C10orf53: variants seen among roughly 807,000 people sequenced by gnomAD.
C10orf53 encodes the protein chromosome 10 open reading frame 53.
Under a neutral mutation model 9.4 loss-of-function variants are expected in C10orf53, and 8 were observed. That is an observed-to-expected ratio of 0.85 (90% CI 0.50 to 1.53). C10orf53 has a LOEUF of 1.53. Among genes scored for constraint, C10orf53 ranks in the 40% most tolerant of loss-of-function variants. The pLI is 0.00. For synonymous variants in C10orf53, 48 were observed against 46.0 expected (o/e 1.04, Z -0.18); for missense variants, 117 against 117.8 (o/e 0.99, Z 0.03).
At chr10:49,701,366 C>A (rs924031266), downstream of C10orf53, among the ~76,000 whole-genome samples, 1 of 152,134 alleles carries the variant, frequency 6.6e-6, no homozygotes, top group African/African-American at 2.4e-5. Context: ...AGGTTGAGAA[C>A]CAGAGCTATA....
intron 2 of C10orf53, among the ~76,000 whole-genome samples, chr10:49,707,485 C>T (rs916339322): frequency 3.3e-5 from 5 of 152,150 alleles, no homozygotes; most frequent in African/African-American, 1.2e-4. Context: ...CAGGTTCAGG[C>T]AAAAATTCTC....
At chr10:49,701,037 A>C (rs575849947), downstream of C10orf53, among the ~76,000 whole-genome samples, 5 of 152,162 alleles carry the variant, frequency 3.3e-5, no homozygotes, top group African/African-American at 1.2e-4. Context: ...CACATAAATG[A>C]TGTGCCTTTA....
chr10:49,694,433 C>G, intron 2 of C10orf53, 105 bp from the exon 3 acceptor site: 1 of 1,459,326 alleles, frequency 6.9e-7, no homozygotes, highest in East Asian at 2.3e-5. Context: ...TTTACCAGCC[C>G]ATGGCCTTTG....
intron 2 of C10orf53, among the ~76,000 whole-genome samples, chr10:49,704,024 G>A (rs963267255): frequency 2.0e-5 from 3 of 152,130 alleles, no homozygotes; most frequent in Admixed American, 2.0e-4. Flanking sequence ...CGCCATTCCC[G>A]CCTGTCCTTA....
rs1840641087 is a variant in C10orf53, at chr10:49,696,957, C to T, written c.*2355C>T. On this transcript the variant is annotated 3_prime_UTR_variant, in exon 3 of 3. Transcript: ENST00000374111. ...CTGTAATCCCAGCACTTTGGGAATC[C>T]AAGGTGGGTGGATTTGTTTGAACAC... 3.3e-5 allele frequency among the ~76,000 whole-genome samples: 5 copies of T among 152,138 alleles called. No individual in the cohort carries two copies. The highest frequency in any genetic ancestry group is 3.3e-4 in the Admixed American group (5 of 15,276).
intron 1 of C10orf53, among the ~76,000 whole-genome samples, chr10:49,683,766 C>T (rs372246287): frequency 3.9e-5 from 6 of 152,036 alleles, no homozygotes; most frequent in East Asian, 1.9e-4. Context: ...TGTGATGGCA[C>T]GCACCTGTAG....
chr10:49,683,598 G>C (rs1840499638), intron 1 of C10orf53, among the ~76,000 whole-genome samples: 1 of 151,928 alleles, frequency 6.6e-6, no homozygotes, highest in Admixed American at 6.6e-5. Context: ...TTGTCTGCTG[G>C]GCATGGTGGC....
downstream of C10orf53, among the ~76,000 whole-genome samples, chr10:49,699,123 G>T (rs1840660230): frequency 6.7e-6 from 1 of 148,414 alleles, no homozygotes; most frequent in South Asian, 2.2e-4. Flanking sequence ...TTTTAAAATA[G>T]CCCAATAATA....
chr10:49,703,566 C>T (rs1024074938), intron 2 of C10orf53, among the ~76,000 whole-genome samples: 3 of 152,194 alleles, frequency 2.0e-5, no homozygotes, highest in Non-Finnish European at 4.4e-5. Context: ...CACATACTGG[C>T]ACAAGGTAGG....
chr10:49,704,282 T>G (rs779367506), intron 2 of C10orf53, among the ~76,000 whole-genome samples: 1 of 152,120 alleles, frequency 6.6e-6, no homozygotes, highest in Non-Finnish European at 1.5e-5. Flanking sequence ...ACTCATATCC[T>G]TAACCTACAG....
intron 2 of C10orf53, chr10:49,694,259 A>G (rs1182733985): frequency 1.7e-6 from 1 of 586,824 alleles, no homozygotes; most frequent in Non-Finnish European, 3.0e-6. Context: ...TATTCTATCT[A>G]GACTTGCTAA....
At chr10:49,699,900 C>T (rs927700376), downstream of C10orf53, among the ~76,000 whole-genome samples, 2 of 151,646 alleles carry the variant, frequency 1.3e-5, no homozygotes, top group African/African-American at 2.4e-5. Context: ...CTCATCCCCC[C>T]CGAGATCAGG....
At chr10:49,709,775 C>T (rs1840749282) in exon 3 of C10orf53, 1 of 152,480 alleles carries the variant, frequency 6.6e-6, no homozygotes. Context: ...AGGCCTCTGC[C>T]CTCCTGGCAT....
At chr10:49,687,928 A>G (rs1355615287) in intron 1 of C10orf53, among the ~76,000 whole-genome samples, 5 of 152,174 alleles carry the variant, frequency 3.3e-5, no homozygotes, top group African/African-American at 1.2e-4. Context: ...GAGAAATGGC[A>G]GGGTGTGGGG....
intron 2 of C10orf53, among the ~76,000 whole-genome samples, chr10:49,704,984 A>ATGCT (rs1840712902): frequency 6.6e-6 from 1 of 152,260 alleles, no homozygotes; most frequent in Non-Finnish European, 1.5e-5. Context: ...ATACAAGGAA[A>ATGCT]TGCTTGTAAT....
chr10:49,690,208 G>A (rs1357746005), intron 1 of C10orf53, among the ~76,000 whole-genome samples: 1 of 152,182 alleles, frequency 6.6e-6, no homozygotes, highest in African/African-American at 2.4e-5. Flanking sequence ...GAGACTTGAG[G>A]GTTGCAAGGT....
intron 1 of C10orf53, among the ~76,000 whole-genome samples, chr10:49,690,276 G>A (rs1005165147): frequency 6.6e-6 from 1 of 152,186 alleles, no homozygotes; most frequent in African/African-American, 2.4e-5. Flanking sequence ...GATAAGTCAT[G>A]TAATACCGGC....
At chr10:49,682,196 CT>C (rs778683362) in intron 1 of C10orf53, among the ~76,000 whole-genome samples, 9 of 152,188 alleles carry the variant, frequency 5.9e-5, no homozygotes, top group Non-Finnish European at 1.2e-4. Flanking sequence ...ACTATTCTCT[CT>C]TTTTAAAATT....
downstream of C10orf53, among the ~76,000 whole-genome samples, chr10:49,701,312 T>C (rs1258328): frequency 0.84 from 128,063 of 152,086 alleles, 55,520 homozygotes; most frequent in East Asian, 0.97. Flanking sequence ...CAGCTAACTG[T>C]CCCTCTGTCA....
Sources: allele counts gnomAD v4.1 joint callset (sites outside exome capture counted in the v4.1 genomes callset), GRCh38; gene constraint gnomAD v4.1.1; transcripts MANE v1.5; gene names NCBI Gene and HGNC (gene_info 2026-07-23, HGNC 2026-07-21).